SLC25A22: variants seen among roughly 807,000 people sequenced by gnomAD.
SLC25A22 encodes mitochondrial glutamate carrier 1.
SLC25A22 carries 23 observed loss-of-function variants against 33.7 expected under a neutral mutation model. The ratio of observed to expected loss-of-function variants is 0.68; its 90% CI spans 0.49 to 0.97. The LOEUF (loss-of-function observed/expected upper bound fraction) is 0.97, where lower values mean the gene tolerates loss of function less well. SLC25A22 is among the 50% of genes least tolerant of loss of function. The pLI is 0.00. For synonymous variants in SLC25A22, 245 were observed against 203.8 expected, an observed-to-expected ratio of 1.20 and a Z score of -1.72; for missense variants, 390 against 451.1, an observed-to-expected ratio of 0.86 and a Z score of 1.23.
chr11:791,794 G>T lies in SLC25A22; in HGVS notation c.*121C>A. 1 of 1,368,380 alleles carries T rather than the reference G, an allele frequency of 7.3e-7. No homozygotes were observed. Among genetic ancestry groups the T allele is most frequent in the Non-Finnish European group, 9.7e-7 (1 of 1,027,972 alleles). 84.8% of individuals were successfully genotyped at this position (1,368,380 alleles called of 1,614,324 possible). A position where few individuals can be genotyped will look rare whatever the true frequency, so the allele number is the denominator to read the frequency against. On this transcript the variant is annotated 3_prime_UTR_variant, in exon 10 of 10. Transcript: ENST00000628067. ...ATGTGGACCCTGCACCCTGCCCCCT[G>T]CTGCCCCTGCCGACGGGAGGGCTGG...
intron 4 of SLC25A22, 176 bp downstream of exon 4, chr11:794,282 A>G (rs549606642): frequency 4.4e-4 from 345 of 787,558 alleles, no homozygotes; most frequent in Middle Eastern, 1.8e-3. Context: ...GCTGAGAACT[A>G]CCACTCACCA....
chr11:792,535 C>G lies in SLC25A22; in HGVS notation c.587+18G>C. ...CGGCCTCCCCCTTCCCTCCCCCCAC[C>G]TGCCCTGTGCCTCCTACCTGAGCAG... is the stretch of plus-strand genomic sequence containing the variant. On this transcript the variant is annotated intron_variant, in intron 7 of 9. Transcript: ENST00000628067. 1 of 1,612,472 alleles carries G rather than the reference C, an allele frequency of 6.2e-7. No homozygotes were observed. Among genetic ancestry groups the G allele is most frequent in the Non-Finnish European group, 8.5e-7 (1 of 1,179,802 alleles).
In SLC25A22 at chr11:793,383, G is replaced by A; in HGVS notation, c.293+146C>T. ...TTGCTCCCCTGGTCAGGGGAAAGGA[G>A]GGAGGGTGCCCCACGAGGTCAAAGA... On this transcript the variant is annotated intron_variant, in intron 5 of 9. Coordinates refer to ENST00000628067, the MANE Select transcript of SLC25A22 (RefSeq NM_001191061.2). 4.0e-6 allele frequency: 3 copies of A among 747,966 alleles called. No individual in the cohort carries two copies. In the South Asian group the frequency reaches 4.4e-5, roughly 11 times the overall value. 46.3% of individuals were successfully genotyped at this position (747,966 alleles called of 1,614,324 possible). A position where few individuals can be genotyped will look rare whatever the true frequency, so the allele number is the denominator to read the frequency against.
chr11:793,576 G>A lies in SLC25A22; in HGVS notation c.246C>T (p.Ile82=), dbSNP rs541752528. The A allele has an allele frequency of 1.2e-6, 2 of 1,612,860 alleles. No homozygotes were observed. The highest frequency in any genetic ancestry group is 2.2e-5 in the South Asian group (2 of 91,076). The change falls in exon 5 of 10, where the codon ATC becomes ATT. Residue 82 remains isoleucine (I), a synonymous_variant. Transcript: ENST00000628067. The part of the protein sequence containing the change: ...NLTLVTPEKA[I]KLAANDFFRH... ...GGAAGAAGTCGTTGGCTGCCAGCTT[G>A]ATGGCCTTCTCGGGGGTGACGAGGG...
intron 5 of SLC25A22, 120 bp from the exon 6 acceptor site, chr11:793,108 G>A: frequency 3.2e-6 from 3 of 942,584 alleles, no homozygotes; most frequent in Non-Finnish European, 5.0e-6. Flanking sequence ...ATGCAGGCCT[G>A]TGGGGGTACA....
chr11:796,062 G>C (rs747303354), intron 1 of SLC25A22: 2 of 152,208 alleles, frequency 1.3e-5, no homozygotes, highest in Non-Finnish European at 2.9e-5. Flanking sequence ...CGTTGCCCAG[G>C]GCCACGCGGC....
At chr11:794,084 T>C in intron 4 of SLC25A22, 1 of 526,376 alleles carries the variant, frequency 1.9e-6, no homozygotes, top group Non-Finnish European at 3.6e-6. Context: ...CTGCCAAATC[T>C]AGGCTCTGGA....
Position 791,687 on chromosome 11 carries a change from GAT to G in SLC25A22, c.*226_*227del, listed in dbSNP as rs1368839429. On this transcript the variant is annotated 3_prime_UTR_variant, in exon 10 of 10. Transcript: ENST00000628067. The stretch of plus-strand genomic sequence containing the variant: ...CAGGGGCTAGCTTGAGGAATGTAAA[GAT>G]TTCTGCATTTTCTACATAAATGAGA... 9.8e-6 allele frequency: 6 copies of G among 614,762 alleles called. No homozygotes were observed. Among genetic ancestry groups the G allele is most frequent in the Non-Finnish European group, 1.7e-5 (6 of 353,550 alleles). 38.1% of individuals were successfully genotyped at this position (614,762 alleles called of 1,614,324 possible).
chr11:792,233 G>C lies in SLC25A22; in HGVS notation c.743-16C>G, dbSNP rs200493024. On this transcript the variant is annotated splice_polypyrimidine_tract_variant and intron_variant, in intron 8 of 9. Transcript: ENST00000628067. ...GTCTTCACCACTGCAAGGGGCGCTC[G>C]GGTCAGTGTGAGCCTGGCCAAGGGC... 4.3e-6 allele frequency: 7 copies of C among 1,612,954 alleles called. No homozygotes were observed. The highest frequency in any genetic ancestry group is 1.7e-5 in the Admixed American group (1 of 60,018).
chr11:792,000 G>A lies in SLC25A22; in HGVS notation c.887C>T (p.Ala296Val), dbSNP rs1565034826. The A allele has an allele frequency of 4.4e-6, 7 of 1,608,348 alleles. No individual in the cohort carries two copies. The highest frequency in any genetic ancestry group is 2.2e-5 in the South Asian group (2 of 90,502). The change falls in exon 10 of 10, where the codon GCG becomes GTG. Residue 296 changes from alanine to valine, a missense_variant. By Grantham distance (64) the Ala-to-Val change is moderately conservative (BLOSUM62 0). Coordinates refer to ENST00000628067, the MANE Select transcript of SLC25A22 (RefSeq NM_001191061.2). ...KGAYCRALVIAPLFGIAQVVY... is the reference protein window; with the variant it reads ...KGAYCRALVIVPLFGIAQVVY... Reference sequence around the variant, plus strand: ...CACCTGTGCGATGCCGAAAAGGGGCGCGATGACCAGCGCGCGGCAGTAGGC... The same window carrying A: ...CACCTGTGCGATGCCGAAAAGGGGCACGATGACCAGCGCGCGGCAGTAGGC...
Position 792,540 on chromosome 11 carries a change from C to G in SLC25A22, c.587+13G>C. On this transcript the variant is annotated intron_variant, in intron 7 of 9. Coordinates refer to ENST00000628067, the MANE Select transcript of SLC25A22 (RefSeq NM_001191061.2). The stretch of plus-strand genomic sequence containing the variant: ...TCCCCCTTCCCTCCCCCCACCTGCC[C>G]TGTGCCTCCTACCTGAGCAGCGTGG... 1.9e-6 allele frequency: 3 copies of G among 1,612,436 alleles called. No homozygotes were observed. Among genetic ancestry groups the G allele is most frequent in the Non-Finnish European group, 2.5e-6 (3 of 1,179,784 alleles).
At position 793,564 on chromosome 11, in the gene SLC25A22, G is replaced by A; in HGVS notation, c.258C>T (p.Ala86=). The A allele has an allele frequency of 6.2e-7, 1 of 1,613,338 alleles. No individual in the cohort carries two copies. The highest frequency in any genetic ancestry group is 8.5e-7 in the Non-Finnish European group (1 of 1,179,994). The part of the protein sequence containing the change: ...VTPEKAIKLA[A]NDFFRHQLSK... ...AGAGCTGATGTCGGAAGAAGTCGTTGGCTGCCAGCTTGATGGCCTTCTCGG... is the reference window on the plus strand; with the variant it reads ...AGAGCTGATGTCGGAAGAAGTCGTTAGCTGCCAGCTTGATGGCCTTCTCGG... The change falls in exon 5 of 10, where the codon GCC becomes GCT. Residue 86 remains alanine (A), a synonymous_variant. Transcript: ENST00000628067.
rs762134544 is a variant in SLC25A22, at chr11:794,472, A to G, written c.188T>C (p.Phe63Ser). The change falls in exon 4 of 10, where the codon TTC becomes TCC. Residue 63 changes from phenylalanine (F) to serine (S), a missense_variant. Physicochemically the swap from Phe to Ser is radical, Grantham distance 155 (BLOSUM62 -2). Transcript: ENST00000628067. ...LIKTVRSEGY[F>S]GMYRGAAVNL... ...CCAAACCTCACCCCGGTACATGCCG[A>G]AGTAGCCCTCGGAGCGGACGGTCTT... The G allele has an allele frequency of 6.2e-7, 1 of 1,612,988 alleles. No homozygotes were observed. The highest frequency in any genetic ancestry group is 1.1e-5 in the South Asian group (1 of 91,018).
At chr11:795,499 G>A (rs1864776981) in intron 1 of SLC25A22, 4 of 333,478 alleles carry the variant, frequency 1.2e-5, no homozygotes, top group Non-Finnish European at 5.9e-6. Context: ...AGGGGCCGGG[G>A]CCAGGGTGCC....
chr11:790,937 G>A lies in SLC25A22; in HGVS notation c.*978C>T, dbSNP rs558106987. On this transcript the variant is annotated 3_prime_UTR_variant, in exon 10 of 10. Transcript: ENST00000628067. ...GAGGGTGGGCCCTGAGAGGACTTGG[G>A]GGTGTGGCAGCTCCTGGCCCTCCCT... is the stretch of plus-strand genomic sequence containing the variant. 6.6e-6 allele frequency: 1 copy of A among 152,476 alleles called. No individual in the cohort carries two copies. Among genetic ancestry groups the A allele is most frequent in the East Asian group, 1.9e-4 (1 of 5,190 alleles). The allele number at this position is 152,476 out of a possible 1,614,324, so 9.4% of individuals were successfully genotyped here. A position where few individuals can be genotyped will look rare whatever the true frequency, so the allele number is the denominator to read the frequency against.
At chr11:796,618 A>C (rs2133725470) in intron 1 of SLC25A22, among the ~76,000 whole-genome samples, 1 of 152,276 alleles carries the variant, frequency 6.6e-6, no homozygotes, top group East Asian at 1.9e-4. Flanking sequence ...GGTGCTGTGG[A>C]GCAGAGATGG....
chr11:792,775 G>T lies in SLC25A22; in HGVS notation c.413-48C>A, dbSNP rs750294739. On this transcript the variant is annotated intron_variant, in intron 6 of 9. Transcript: ENST00000628067. ...CTCCTCTTCTGTGCGAACTGGGCAG[G>T]GGACACGCTCTGGCCCTCCCTGCGT... The T allele has an allele frequency of 5.8e-6, 9 of 1,547,664 alleles. No individual in the cohort carries two copies. The South Asian group carries it at 1.1e-4, about 18-fold the overall frequency.
chr11:796,259 G>C (rs764960518), intron 1 of SLC25A22: 5 of 152,116 alleles, frequency 3.3e-5, no homozygotes, highest in African/African-American at 9.7e-5. Context: ...GGAAGCTGCC[G>C]GGGGAGGAGG....
chr11:795,534 G>T, intron 1 of SLC25A22: 1 of 310,498 alleles, frequency 3.2e-6, no homozygotes, highest in South Asian at 2.8e-5. Flanking sequence ...GACCTGGACA[G>T]CTGTGGTGAC....
Sources: allele counts gnomAD v4.1 joint callset (sites outside exome capture counted in the v4.1 genomes callset), GRCh38; gene constraint gnomAD v4.1.1; transcripts MANE v1.5; gene names NCBI Gene and HGNC (gene_info 2026-07-23, HGNC 2026-07-21).